Variants in EYA1 observed in about 807,000 individuals in gnomAD.
The protein encoded by EYA1 is EYA transcriptional coactivator and phosphatase 1, also known as protein phosphatase EYA1.
Under a neutral mutation model 82.0 loss-of-function variants are expected in EYA1, and 16 were observed. That is an observed-to-expected ratio of 0.20 (90% CI 0.13 to 0.30). The LOEUF (loss-of-function observed/expected upper bound fraction) is 0.30. EYA1 is among the 10% of genes least tolerant of loss of function. The pLI is 1.00. For missense variants in EYA1, 633 were observed against 730.7 expected (o/e 0.87, Z 1.54); for synonymous variants, 261 against 264.4 (o/e 0.99, Z 0.12).
intron 9 of EYA1, among the ~76,000 whole-genome samples, chr8:71,285,964 T>G (rs1818323149): frequency 6.6e-6 from 1 of 152,232 alleles, no homozygotes; most frequent in East Asian, 1.9e-4. Context: ...TACAGTCAAC[T>G]TTTTAAAAAA....
At chr8:71,476,854 G>A (rs943973205) in intron 2 of EYA1, among the ~76,000 whole-genome samples, 2 of 152,006 alleles carry the variant, frequency 1.3e-5, no homozygotes, top group Non-Finnish European at 2.9e-5. Context: ...ATACAAAAAA[G>A]TGTTGTACTG....
At chr8:71,329,644 C>T (rs745439445) in intron 4 of EYA1, among the ~76,000 whole-genome samples, 7 of 152,130 alleles carry the variant, frequency 4.6e-5, no homozygotes, top group Admixed American at 6.5e-5. Context: ...AGCCATCATT[C>T]GTTCATTCAT....
At chr8:71,231,124 G>T (rs1481791) in intron 12 of EYA1, among the ~76,000 whole-genome samples, 53,388 of 151,988 alleles carry the variant, frequency 0.35, 9,688 homozygotes, top group Middle Eastern at 0.43. Context: ...ATAGTTACAC[G>T]GAATAGATCT....
At chr8:71,339,421 T>C (rs182816766) in intron 3 of EYA1, among the ~76,000 whole-genome samples, 2 of 152,252 alleles carry the variant, frequency 1.3e-5, no homozygotes, top group East Asian at 3.9e-4. Flanking sequence ...TTGTATTCTG[T>C]CTTTATTCTT....
intron 2 of EYA1, among the ~76,000 whole-genome samples, chr8:71,436,178 T>C (rs1805994651): frequency 2.0e-5 from 3 of 152,026 alleles, no homozygotes; most frequent in South Asian, 2.1e-4. Context: ...ATAATGTACA[T>C]AAAAGTCACC....
intron 2 of EYA1, among the ~76,000 whole-genome samples, chr8:71,386,830 T>C (rs547997594): frequency 7.9e-5 from 12 of 152,220 alleles, no homozygotes; most frequent in Non-Finnish European, 1.5e-4. Context: ...TCTTATCTGC[T>C]TCTATTTCAT....
Position 71,247,184 on chromosome 8 carries a change from T to A in EYA1, c.1051-2492A>T, listed in dbSNP as rs79287206. 0.012 allele frequency among the ~76,000 whole-genome samples: 1,878 copies of A among 151,368 alleles called. 82 individuals carry two copies. The East Asian group carries it at 0.15, about 12-fold the overall frequency. On this transcript the variant is annotated intron_variant, in intron 11 of 17. Coordinates refer to ENST00000340726, the MANE Select transcript of EYA1 (RefSeq NM_000503.6). The stretch of plus-strand genomic sequence containing the variant: ...CCACACCCTTCCAGCACTACCCACA[T>A]CCCTACAGTACATCCCACCCCCTTA...
intron 9 of EYA1, among the ~76,000 whole-genome samples, chr8:71,285,319 A>C (rs1265591411): frequency 6.6e-6 from 1 of 151,766 alleles, no homozygotes; most frequent in African/African-American, 2.4e-5. Flanking sequence ...ATATACTTTA[A>C]GAAAAACACT....
At chr8:71,527,292 A>G (rs1323341580) in intron 2 of EYA1, among the ~76,000 whole-genome samples, 3 of 152,252 alleles carry the variant, frequency 2.0e-5, no homozygotes, top group African/African-American at 7.2e-5. Flanking sequence ...CTTCCTGCCC[A>G]TCCCTTGGTG....
intron 2 of EYA1, among the ~76,000 whole-genome samples, chr8:71,412,312 T>C (rs1362259497): frequency 1.3e-5 from 2 of 148,644 alleles, no homozygotes; most frequent in Non-Finnish European, 3.0e-5. Context: ...CGCACCAGCA[T>C]GGCACATGTA....
At chr8:71,331,091 T>C (rs1823792223) in intron 4 of EYA1, among the ~76,000 whole-genome samples, 1 of 151,816 alleles carries the variant, frequency 6.6e-6, no homozygotes, top group Admixed American at 6.6e-5. Context: ...TAGCTGGGCA[T>C]GGTGGCACGT....
intron 2 of EYA1, among the ~76,000 whole-genome samples, chr8:71,521,632 G>C (rs1344127900): frequency 6.6e-6 from 1 of 151,872 alleles, no homozygotes; most frequent in Non-Finnish European, 1.5e-5. Flanking sequence ...GGTGAAACAG[G>C]GTCTCTTAAC....
At chr8:71,297,316 G>A (rs897838718) in intron 9 of EYA1, among the ~76,000 whole-genome samples, 2 of 152,016 alleles carry the variant, frequency 1.3e-5, no homozygotes, top group Non-Finnish European at 2.9e-5. Context: ...TACTCACTTA[G>A]AACAATGTCT....
intron 7 of EYA1, among the ~76,000 whole-genome samples, chr8:71,313,642 C>T (rs1325456237): frequency 6.6e-6 from 1 of 151,526 alleles, no homozygotes; most frequent in African/African-American, 2.4e-5. Context: ...GCCCATATTC[C>T]AGATAAGGAA....
chr8:71,212,407 A>G (rs917879558), intron 16 of EYA1, among the ~76,000 whole-genome samples: 1 of 152,226 alleles, frequency 6.6e-6, no homozygotes, highest in Admixed American at 6.5e-5. Context: ...TTCACTGCAA[A>G]AATATACAAC....
chr8:71,241,017 T>A (rs1031349895), intron 12 of EYA1, among the ~76,000 whole-genome samples: 6 of 152,198 alleles, frequency 3.9e-5, no homozygotes, highest in African/African-American at 1.4e-4. Context: ...CATGGAGAGT[T>A]TTTTTGTAAA....
chr8:71,424,678 T>C (rs1047752696), intron 2 of EYA1, among the ~76,000 whole-genome samples: 1 of 152,184 alleles, frequency 6.6e-6, no homozygotes, highest in Non-Finnish European at 1.5e-5. Context: ...GACATATTTT[T>C]TGGCCTCTGC....
chr8:71,462,441 C>A (rs1808429574), intron 2 of EYA1, among the ~76,000 whole-genome samples: 1 of 152,162 alleles, frequency 6.6e-6, no homozygotes, highest in Non-Finnish European at 1.5e-5. Context: ...CCTGAGCCTG[C>A]AGGGGAATGG....
chr8:71,199,335 C>CGCT lies in EYA1; in HGVS notation c.*2_*4dup, dbSNP rs777439533. On this transcript the variant is annotated 3_prime_UTR_variant, in exon 18 of 18. Transcript: ENST00000340726. Reference sequence around the variant, plus strand: ...AGCTGTGCGCTGTCAAAGTGCCGAGCGCTGTTACAGGTACTCCAGTTCCAA... The same window carrying CGCT: ...AGCTGTGCGCTGTCAAAGTGCCGAGCGCTGCTGTTACAGGTACTCCAGTTCCAA... 1 of 1,604,910 alleles carries CGCT rather than the reference C, an allele frequency of 6.2e-7. No homozygotes were observed. Among genetic ancestry groups the CGCT allele is most frequent in the Non-Finnish European group, 8.5e-7 (1 of 1,173,598 alleles).
Sources: allele counts gnomAD v4.1 joint callset (sites outside exome capture counted in the v4.1 genomes callset), GRCh38; gene constraint gnomAD v4.1.1; transcripts MANE v1.5; gene names NCBI Gene and HGNC (gene_info 2026-07-23, HGNC 2026-07-21).